Variants in DDX60 observed in about 807,000 individuals in gnomAD.
The protein encoded by DDX60 is probable ATP-dependent RNA helicase DDX60.
DDX60 carries 165 observed loss-of-function variants against 212.8 expected under a neutral mutation model. The ratio of observed to expected loss-of-function variants is 0.78; its 90% confidence interval spans 0.68 to 0.88. The LOEUF is 0.88. Among genes scored for constraint, DDX60 ranks in the 40% least tolerant of loss-of-function variants. The pLI is 0.00. For synonymous variants in DDX60, 703 were observed against 685.3 expected (o/e 1.03, Z -0.40); for missense variants, 1,905 against 2,003.9 (o/e 0.95, Z 0.94).
rs992823425 is a variant in DDX60 at position 168,259,286 on chromosome 4, G to T, written c.3398+1579C>A. 4.6e-5 allele frequency among the ~76,000 whole-genome samples: 7 copies of T among 152,266 alleles called. 1 individual carries two copies. The Middle Eastern group carries it at 0.014, about 296-fold the overall frequency. On this transcript the variant is annotated intron_variant, in intron 25 of 37. Coordinates refer to ENST00000393743, the MANE Select transcript of DDX60 (RefSeq NM_017631.6). ...TATTTTTCAGTTTCTGTTTTGCAGT[G>T]AGGCTTTCAGAAATATCCCAGAGGT...
At chr4:168,307,598 C>A (rs538798872) in intron 4 of DDX60, among the ~76,000 whole-genome samples, 1 of 152,060 alleles carries the variant, frequency 6.6e-6, no homozygotes, top group Non-Finnish European at 1.5e-5. Context: ...CATGCACCAC[C>A]GTGCCCAGCC....
intron 19 of DDX60, among the ~76,000 whole-genome samples, chr4:168,270,369 G>A (rs761325753): frequency 2.0e-4 from 31 of 152,202 alleles, no homozygotes; most frequent in Non-Finnish European, 4.0e-4. Flanking sequence ...CATACCCACT[G>A]CCCATCTGGG....
At chr4:168,219,461 C>T (rs552817668) in intron 37 of DDX60, among the ~76,000 whole-genome samples, 17 of 152,160 alleles carry the variant, frequency 1.1e-4, no homozygotes, top group Non-Finnish European at 2.1e-4. Flanking sequence ...TCTTGGGCTG[C>T]TCTGGAGATA....
intron 13 of DDX60, among the ~76,000 whole-genome samples, chr4:168,283,169 G>A (rs763644069): frequency 5.3e-5 from 8 of 151,920 alleles, no homozygotes; most frequent in Admixed American, 2.0e-4. Context: ...TATTTTTAAC[G>A]TTAGTTTAAA....
intron 30 of DDX60, among the ~76,000 whole-genome samples, chr4:168,241,792 C>A (rs1381722081): frequency 6.6e-6 from 1 of 152,116 alleles, no homozygotes; most frequent in Non-Finnish European, 1.5e-5. Flanking sequence ...TTCAAGCTGG[C>A]TGCATAAATT....
chr4:168,259,969 A>G (rs1298514279), intron 25 of DDX60, among the ~76,000 whole-genome samples: 1 of 152,060 alleles, frequency 6.6e-6, no homozygotes, highest in African/African-American at 2.4e-5. Context: ...AAAATTAACA[A>G]GGCTAAATAA....
chr4:168,225,711 A>G, intron 33 of DDX60, 35 bp from the exon 34 acceptor site: 1 of 1,587,492 alleles, frequency 6.3e-7, no homozygotes, highest in Non-Finnish European at 8.5e-7. Flanking sequence ...AGATAGATCT[A>G]TTTACCTTCC....
intron 27 of DDX60, 22 bp downstream of exon 27, chr4:168,252,487 C>G: frequency 6.2e-7 from 1 of 1,611,738 alleles, no homozygotes; most frequent in Non-Finnish European, 8.5e-7. Context: ...GTTTGGAGAA[C>G]GATCAGGTTG....
At chr4:168,257,030 G>C (rs995233802) in intron 25 of DDX60, among the ~76,000 whole-genome samples, 4 of 152,202 alleles carry the variant, frequency 2.6e-5, no homozygotes, top group Non-Finnish European at 4.4e-5. Flanking sequence ...TAAAATTCAA[G>C]TTATACACAG....
At position 168,252,534 on chromosome 4, in the gene DDX60, G is replaced by A. The variant is rs763852259; in HGVS notation, c.3680C>T (p.Ala1227Val). Residue 1227 changes from alanine to valine, a missense_variant, in exon 27 of 38, where the codon GCT becomes GTT. Physicochemically the swap from Ala to Val is moderately conservative, Grantham distance 64 (BLOSUM62 0). Transcript: ENST00000393743. ...NLEIPQDCTYADQKAVDTETL... is the reference protein window; with the variant it reads ...NLEIPQDCTYVDQKAVDTETL... ...CTCAGTGTCCACTGCTTTTTGATCA[G>A]CATATGTGCAGTCCTGTGGGATTTC... The A allele has an allele frequency of 3.1e-6, 5 of 1,613,892 alleles. No individual in the cohort carries two copies. In the South Asian group the frequency reaches 4.4e-5, roughly 14 times the overall value.
intron 14 of DDX60, 73 bp downstream of exon 14, chr4:168,280,262 C>A: frequency 4.6e-6 from 7 of 1,523,572 alleles, no homozygotes; most frequent in Non-Finnish European, 6.2e-6. Flanking sequence ...TTCCAGTTAA[C>A]AAATGGCAAC....
intron 18 of DDX60, 73 bp downstream of exon 18, chr4:168,273,206 A>T: frequency 1.4e-6 from 2 of 1,414,226 alleles, no homozygotes; most frequent in South Asian, 2.7e-5. Context: ...GAAGATGTTG[A>T]ATTTCTAGTC....
At chr4:168,217,544 G>A (rs1439651396) in intron 37 of DDX60, among the ~76,000 whole-genome samples, 2 of 152,140 alleles carry the variant, frequency 1.3e-5, no homozygotes, top group East Asian at 1.9e-4. Flanking sequence ...CCCAGAAACC[G>A]ATGAATAGGT....
intron 8 of DDX60, among the ~76,000 whole-genome samples, chr4:168,289,047 CA>C (rs761171617): frequency 6.6e-6 from 1 of 152,192 alleles, no homozygotes. Flanking sequence ...GGAAGCTGGA[CA>C]GAGTGAAGTC....
At chr4:168,281,748 T>G (rs1441640921) in intron 13 of DDX60, among the ~76,000 whole-genome samples, 1 of 152,208 alleles carries the variant, frequency 6.6e-6, no homozygotes, top group African/African-American at 2.4e-5. Context: ...GAAATTAATA[T>G]GTAAATGCCT....
At chr4:168,261,872 C>G in intron 24 of DDX60, 128 bp downstream of exon 24, 1 of 1,105,974 alleles carries the variant, frequency 9.0e-7, no homozygotes, top group Non-Finnish European at 1.2e-6. Context: ...TACTAGACTT[C>G]AAGTTCAACT....
intron 16 of DDX60, 92 bp from the exon 17 acceptor site, chr4:168,274,175 T>C: frequency 1.3e-6 from 2 of 1,501,918 alleles, no homozygotes; most frequent in Non-Finnish European, 1.8e-6. Context: ...TACGATTTTC[T>C]GAACCTCAAA....
chr4:168,302,919 A>C (rs1340181066), intron 5 of DDX60, among the ~76,000 whole-genome samples: 1 of 152,122 alleles, frequency 6.6e-6, no homozygotes, highest in Non-Finnish European at 1.5e-5. Flanking sequence ...ATTTCACATA[A>C]TCCTCAAATT....
At chr4:168,322,421 A>G (rs1319608057), upstream of DDX60, among the ~76,000 whole-genome samples, 1 of 152,098 alleles carries the variant, frequency 6.6e-6, no homozygotes, top group Non-Finnish European at 1.5e-5. Flanking sequence ...CATTTTTCCA[A>G]AGGCTAGAGC....
Sources: allele counts gnomAD v4.1 joint callset (sites outside exome capture counted in the v4.1 genomes callset), GRCh38; gene constraint gnomAD v4.1.1; transcripts MANE v1.5; gene names NCBI Gene and HGNC (gene_info 2026-07-23, HGNC 2026-07-21).